SNTG1: variants seen among roughly 807,000 people sequenced by gnomAD.
SNTG1 encodes gamma-1-syntrophin.
A neutral mutation model predicts 74.7 loss-of-function variants in SNTG1; 39 were observed. That is an observed-to-expected ratio of 0.52 (90% confidence interval 0.40 to 0.68). The LOEUF is 0.68. SNTG1 is among the 30% of genes least tolerant of loss of function. The pLI is 0.00. For missense variants in SNTG1, 685 were observed against 609.5 expected (o/e 1.12, Z -1.30); for synonymous variants, 254 against 217.1 (o/e 1.17, Z -1.49).
intron 17 of SNTG1, among the ~76,000 whole-genome samples, chr8:50,728,305 C>T (rs73678642): frequency 0.023 from 3,432 of 152,194 alleles, 109 homozygotes; most frequent in African/African-American, 0.074. Flanking sequence ...GGTGATGCAG[C>T]GCCGAGGGCA....
chr8:50,328,282 A>G (rs939041273), intron 2 of SNTG1, among the ~76,000 whole-genome samples: 1 of 152,214 alleles, frequency 6.6e-6, no homozygotes, highest in Non-Finnish European at 1.5e-5. Context: ...CTTTTGAAGG[A>G]TAATTTTGCA....
chr8:50,608,225 T>C (rs2094826573), intron 13 of SNTG1, among the ~76,000 whole-genome samples: 1 of 151,716 alleles, frequency 6.6e-6, no homozygotes, highest in Non-Finnish European at 1.5e-5. Context: ...AACTGACTGA[T>C]AGTTTTGTTC....
In SNTG1 at chr8:50,450,711, A is replaced by C. The variant is rs549738194; in HGVS notation, c.345A>C (p.Lys115Asn). The change falls in exon 8 of 19, where the codon AAA becomes AAC. Residue 115 changes from lysine (K) to asparagine (N), a missense_variant. Coordinates refer to ENST00000642720, the MANE Select transcript of SNTG1 (RefSeq NM_018967.5). ...AGATAAATGGCATTAATGTGAGAAA[A>C]TGTAGACATGAAGAAGTGGTGAGTT... ...ILQINGINVR[K>N]CRHEEVVQVL... 6.2e-7 allele frequency: 1 copy of C among 1,613,298 alleles called. No homozygotes were observed. The highest frequency in any genetic ancestry group is 2.2e-5 in the East Asian group (1 of 44,708).
rs1217730917 is a variant in SNTG1 at position 50,259,511 on chromosome 8, AGAAAGAAAGAAAGAAAGAAAGAAAGAAAG to A, written c.-28+86877_-28+86905del. Among the ~76,000 whole-genome samples the A allele has an allele frequency of 5.4e-3, 524 of 96,564 alleles. 88 individuals are homozygous for A. The highest frequency in any genetic ancestry group is 0.022 in the South Asian group (56 of 2,602). The allele number at this position is 96,564 out of a possible 152,430, so 63.3% of individuals were successfully genotyped here. A position where few individuals can be genotyped will look rare whatever the true frequency, so the allele number is the denominator to read the frequency against. ...GAGACGCTGTCTCAAAAAAAAAAAA[AGAAAGAAAGAAAGAAAGAAAGAAAGAAAG>A]AAAGAAAGAAAGAAAGAAAGAAAGA... On this transcript the variant is annotated intron_variant, in intron 2 of 18. Coordinates refer to ENST00000642720, the MANE Select transcript of SNTG1 (RefSeq NM_018967.5).
chr8:50,552,609 A>C (rs919807949), intron 11 of SNTG1, among the ~76,000 whole-genome samples: 5 of 152,200 alleles, frequency 3.3e-5, no homozygotes, highest in Admixed American at 3.3e-4. Flanking sequence ...GTGACTTTTT[A>C]ATATCACGCT....
intron 4 of SNTG1, among the ~76,000 whole-genome samples, chr8:50,411,770 G>T (rs889314703): frequency 1.8e-4 from 28 of 152,092 alleles, no homozygotes; most frequent in Non-Finnish European, 7.4e-5. Context: ...GGGCTTATGC[G>T]GTTCCAGATA....
chr8:50,661,192 A>T (rs896031919), intron 15 of SNTG1, among the ~76,000 whole-genome samples: 2 of 152,206 alleles, frequency 1.3e-5, no homozygotes, highest in African/African-American at 4.8e-5. Flanking sequence ...ATTAGGTGAT[A>T]TGATGTTAAG....
intron 1 of SNTG1, among the ~76,000 whole-genome samples, chr8:50,129,344 T>C (rs560551533): frequency 1.3e-5 from 2 of 152,118 alleles, no homozygotes; most frequent in Non-Finnish European, 2.9e-5. Context: ...AAGGAAACCT[T>C]AGTGTCTACT....
chr8:50,255,728 C>A (rs952069983), intron 2 of SNTG1, among the ~76,000 whole-genome samples: 1 of 152,136 alleles, frequency 6.6e-6, no homozygotes, highest in African/African-American at 2.4e-5. Context: ...GAATTAGTGG[C>A]CCACCTTACT....
intron 1 of SNTG1, among the ~76,000 whole-genome samples, chr8:50,021,710 G>A (rs967035883): frequency 2.6e-5 from 4 of 152,040 alleles, no homozygotes; most frequent in Admixed American, 2.0e-4. Flanking sequence ...CAAAGTGGGA[G>A]GATCACTTGA....
At chr8:50,689,301 G>A (rs1411751666) in intron 15 of SNTG1, among the ~76,000 whole-genome samples, 1 of 152,104 alleles carries the variant, frequency 6.6e-6, no homozygotes, top group African/African-American at 2.4e-5. Flanking sequence ...AATAGGAGTG[G>A]TGAGAGAGTG....
intron 2 of SNTG1, among the ~76,000 whole-genome samples, chr8:50,357,417 G>C (rs1224501147): frequency 6.6e-6 from 1 of 152,220 alleles, no homozygotes; most frequent in South Asian, 2.1e-4. Flanking sequence ...TTATGCCACT[G>C]AGGTGATATG....
intron 13 of SNTG1, chr8:50,644,500 C>G (rs866878357): frequency 1.3e-5 from 2 of 152,132 alleles, no homozygotes. Flanking sequence ...CACATTTTCT[C>G]TAGCTTACTT....
chr8:50,670,821 C>A lies in SNTG1; in HGVS notation c.1038+12158C>A, dbSNP rs1166470368. On this transcript the variant is annotated intron_variant, in intron 15 of 18. Coordinates refer to ENST00000642720, the MANE Select transcript of SNTG1 (RefSeq NM_018967.5). ...TACAAGGCTACAGTAACCAAAACAG[C>A]ATGGTACTGGTACCAAAACAGAGAT... Among the ~76,000 whole-genome samples, 5 of 151,264 alleles carry A rather than the reference C, an allele frequency of 3.3e-5. No homozygotes were observed. The East Asian group carries it at 9.7e-4, about 29-fold the overall frequency.
At chr8:50,100,430 T>A (rs2080079408) in intron 1 of SNTG1, among the ~76,000 whole-genome samples, 1 of 152,056 alleles carries the variant, frequency 6.6e-6, no homozygotes. Context: ...GGGTTTTGAA[T>A]ATTCGCAACA....
chr8:50,053,971 G>A (rs1819807848), intron 1 of SNTG1, among the ~76,000 whole-genome samples: 1 of 152,040 alleles, frequency 6.6e-6, no homozygotes, highest in African/African-American at 2.4e-5. Flanking sequence ...CAGGGACTGT[G>A]TCAGGCATCT....
At chr8:50,662,515 C>G (rs1052698144) in intron 15 of SNTG1, among the ~76,000 whole-genome samples, 6 of 152,136 alleles carry the variant, frequency 3.9e-5, no homozygotes, top group Non-Finnish European at 5.9e-5. Context: ...AGGCAAAAAG[C>G]AGTTTAAGTA....
At chr8:50,293,114 G>C (rs1174317331) in intron 2 of SNTG1, among the ~76,000 whole-genome samples, 2 of 151,266 alleles carry the variant, frequency 1.3e-5, no homozygotes, top group Non-Finnish European at 3.0e-5. Context: ...TTATAGAATT[G>C]GGACATCCAG....
intron 2 of SNTG1, among the ~76,000 whole-genome samples, chr8:50,371,895 A>G (rs2092277461): frequency 6.6e-6 from 1 of 151,746 alleles, no homozygotes. Flanking sequence ...ATCTTTTCCT[A>G]TTTTTTTACT....
Sources: gnomAD v4.1 joint callset for allele counts (sites outside exome capture counted in the v4.1 genomes callset) on GRCh38, gnomAD v4.1.1 for gene constraint, MANE v1.5 for transcripts, NCBI Gene and HGNC (gene_info 2026-07-23, HGNC 2026-07-21) for gene names.